CCDC170: variants seen among roughly 807,000 people sequenced by gnomAD.
CCDC170 encodes coiled-coil domain containing 170, also known as coiled-coil domain-containing protein 170.
CCDC170 carries 69 observed loss-of-function variants against 72.6 expected under a neutral mutation model. That is an observed-to-expected ratio of 0.95 (90% CI 0.78 to 1.16). The LOEUF (loss-of-function observed/expected upper bound fraction) is 1.16. Among genes scored for constraint, CCDC170 ranks in the 50% most tolerant of loss-of-function variants. CCDC170 has a pLI of 0.00. For synonymous variants in CCDC170, 300 were observed against 303.9 expected, an observed-to-expected ratio of 0.99 and a Z score of 0.13; for missense variants, 852 against 832.5, an observed-to-expected ratio of 1.02 and a Z score of -0.29.
chr6:151,594,902 TG>T (rs1776597771), intron 8 of CCDC170, among the ~76,000 whole-genome samples: 1 of 152,188 alleles, frequency 6.6e-6, no homozygotes, highest in African/African-American at 2.4e-5. Flanking sequence ...CCACCCGCCT[TG>T]GCCTCCCAAA....
At chr6:151,613,868 G>T (rs1384382121) in intron 9 of CCDC170, among the ~76,000 whole-genome samples, 2 of 152,184 alleles carry the variant, frequency 1.3e-5, no homozygotes, top group African/African-American at 4.8e-5. Flanking sequence ...GAATGGAATT[G>T]CTGGGTCATG....
At chr6:151,560,975 T>G (rs1173280359) in intron 5 of CCDC170, among the ~76,000 whole-genome samples, 1 of 152,114 alleles carries the variant, frequency 6.6e-6, no homozygotes, top group Admixed American at 6.6e-5. Flanking sequence ...ACTGTTGATG[T>G]GTGAGGTTTT....
At chr6:151,565,608 G>A (rs1207072236) in intron 5 of CCDC170, among the ~76,000 whole-genome samples, 5 of 152,060 alleles carry the variant, frequency 3.3e-5, no homozygotes, top group Non-Finnish European at 4.4e-5. Flanking sequence ...TTATCTACTC[G>A]CTGTTTTATT....
At chr6:151,515,783 G>A (rs1217319045) in intron 1 of CCDC170, among the ~76,000 whole-genome samples, 1 of 152,134 alleles carries the variant, frequency 6.6e-6, no homozygotes, top group African/African-American at 2.4e-5. Flanking sequence ...ATATGACAAA[G>A]AAAGTGTGGC....
intron 1 of CCDC170, among the ~76,000 whole-genome samples, chr6:151,509,232 A>C (rs1302187710): frequency 6.6e-6 from 1 of 150,956 alleles, no homozygotes; most frequent in East Asian, 1.9e-4. Context: ...GTATCTATCT[A>C]TCTATCTATC....
At chr6:151,548,264 G>C (rs1200450336) in intron 4 of CCDC170, 40 bp from the exon 5 acceptor site, 1 of 1,465,244 alleles carries the variant, frequency 6.8e-7, no homozygotes, top group Admixed American at 2.2e-5. Flanking sequence ...TGATGAAATT[G>C]TTAATTTTTA....
chr6:151,516,066 G>GAA (rs1325647534), intron 1 of CCDC170, among the ~76,000 whole-genome samples: 5 of 120,474 alleles, frequency 4.2e-5, no homozygotes, highest in Non-Finnish European at 3.6e-5. Flanking sequence ...TTCTGTCTCA[G>GAA]AAAAAAAAAA....
intron 7 of CCDC170, 52 bp from the exon 8 acceptor site, chr6:151,593,055 C>G: frequency 6.4e-7 from 1 of 1,563,834 alleles, no homozygotes; most frequent in Non-Finnish European, 8.8e-7. Flanking sequence ...TGTGAGATCA[C>G]TCATTAACTT....
chr6:151,503,784 G>A (rs1039737124), intron 1 of CCDC170, among the ~76,000 whole-genome samples: 1 of 152,072 alleles, frequency 6.6e-6, no homozygotes, highest in Non-Finnish European at 1.5e-5. Flanking sequence ...TTTGTGGAAT[G>A]TTCCTCGATT....
chr6:151,573,598 C>A, intron 6 of CCDC170, 107 bp downstream of exon 6: 5 of 1,061,656 alleles, frequency 4.7e-6, no homozygotes, highest in Non-Finnish European at 6.8e-6. Context: ...TAAGAAATAC[C>A]CGAGACTGGG....
At chr6:151,533,214 C>A (rs1168473572) in intron 1 of CCDC170, among the ~76,000 whole-genome samples, 1 of 151,712 alleles carries the variant, frequency 6.6e-6, no homozygotes, top group African/African-American at 2.4e-5. Flanking sequence ...CCACCACACC[C>A]GGCTAATTTT....
intron 1 of CCDC170, among the ~76,000 whole-genome samples, chr6:151,525,998 G>C (rs1300155907): frequency 6.6e-6 from 1 of 152,024 alleles, no homozygotes; most frequent in Admixed American, 6.5e-5. Flanking sequence ...CCTCCATTAA[G>C]CATACTTTAA....
At position 151,586,089 on chromosome 6, in the gene CCDC170, A is replaced by C; in HGVS notation, c.1293A>C (p.Lys431Asn). 1.9e-6 allele frequency: 3 copies of C among 1,614,054 alleles called. No individual in the cohort carries two copies. Among genetic ancestry groups the C allele is most frequent in the Non-Finnish European group, 2.5e-6 (3 of 1,179,928 alleles). Reference sequence around the variant, plus strand: ...ACAACTTGAATTTTGAGAAACAAAAAGTAATGACCCGAGGGCATGTCCATG... The same window carrying C: ...ACAACTTGAATTTTGAGAAACAAAACGTAATGACCCGAGGGCATGTCCATG... ...LRDNLNFEKQ[K>N]YLKFLDQLSQ... Residue 431 changes from lysine (K) to asparagine (N), a missense_variant and splice_region_variant, in exon 7 of 11, where the codon AAA (lysine) becomes AAC (asparagine). Transcript: ENST00000239374.
chr6:151,494,153 A>G lies in CCDC170; in HGVS notation c.25A>G (p.Ile9Val). MSLDCTSH[I>V]ALGAASPAPE... ...CATGAGCCTGGACTGCACCAGCCAT[A>G]TCGCGCTGGGTGCCGCTTCGCCAGC... Residue 9 changes from isoleucine to valine, a missense_variant, in exon 1 of 11, where the codon ATC becomes GTC. Coordinates refer to ENST00000239374, the MANE Select transcript of CCDC170 (RefSeq NM_025059.4). 1 of 1,527,364 alleles carries G rather than the reference A, an allele frequency of 6.5e-7. No individual in the cohort carries two copies. Among genetic ancestry groups the G allele is most frequent in the Non-Finnish European group, 8.8e-7 (1 of 1,142,372 alleles). 94.6% of individuals were successfully genotyped at this position (1,527,364 alleles called of 1,614,324 possible). A position where few individuals can be genotyped will look rare whatever the true frequency, so the allele number is the denominator to read the frequency against.
In CCDC170 at chr6:151,596,520, G is replaced by A. The variant is rs780510284; in HGVS notation, c.1653G>A (p.Thr551=). Residue 551 remains threonine, a synonymous_variant, in exon 9 of 11, where the codon ACG becomes ACA. Coordinates refer to ENST00000239374, the MANE Select transcript of CCDC170 (RefSeq NM_025059.4). ...KVERLQKELN[T]CRDLHTELKA... is the part of the protein sequence containing the mutation. ...AGAGGCTGCAGAAAGAGCTGAACAC[G>A]TGTCGAGACTTGCACACCGAGCTCA... 1.1e-5 allele frequency: 18 copies of A among 1,614,106 alleles called. No homozygotes were observed. Among genetic ancestry groups the A allele is most frequent in the South Asian group, 2.2e-5 (2 of 91,080 alleles).
chr6:151,568,028 T>C (rs1020292599), intron 5 of CCDC170, among the ~76,000 whole-genome samples: 1 of 139,364 alleles, frequency 7.2e-6, no homozygotes, highest in Non-Finnish European at 1.5e-5. Context: ...GAGAATCGCT[T>C]GAACCCGGGA....
intron 9 of CCDC170, among the ~76,000 whole-genome samples, chr6:151,596,796 G>A (rs1776632880): frequency 6.6e-6 from 1 of 152,140 alleles, no homozygotes. Context: ...ATTGCTAGGT[G>A]AAAAGTCAGT....
chr6:151,612,251 A>G (rs1165829263), intron 9 of CCDC170, among the ~76,000 whole-genome samples: 1 of 152,156 alleles, frequency 6.6e-6, no homozygotes, highest in Non-Finnish European at 1.5e-5. Flanking sequence ...GCCATTATTC[A>G]GATGCTCAGC....
chr6:151,619,586 A>G lies in CCDC170; in HGVS notation c.*1439A>G, dbSNP rs546508702. 6.6e-6 allele frequency: 1 copy of G among 152,312 alleles called. No homozygotes were observed. Among genetic ancestry groups the G allele is most frequent in the East Asian group, 1.9e-4 (1 of 5,186 alleles). The allele number at this position is 152,312 out of a possible 1,614,324, so 9.4% of individuals were successfully genotyped here. On this transcript the variant is annotated 3_prime_UTR_variant, in exon 11 of 11. Transcript: ENST00000239374. ...AACATTAGGAGAAAATGAAAAATAT[A>G]CAACCAACCGTTCGTGAGTCATCAA...
Sources: allele counts gnomAD v4.1 joint callset (sites outside exome capture counted in the v4.1 genomes callset), GRCh38; gene constraint gnomAD v4.1.1; transcripts MANE v1.5; gene names NCBI Gene and HGNC (gene_info 2026-07-23, HGNC 2026-07-21).